EEIG2: variants seen among roughly 807,000 people sequenced by gnomAD.
The protein encoded by EEIG2 is family with sequence similarity 102 member B.
the EEIG2 span, among the ~76,000 whole-genome samples, chr1:108,602,383 A>G: frequency 6.6e-6 from 1 of 152,046 alleles, no homozygotes; most frequent in Non-Finnish European, 1.5e-5. Context: ...AAACTCTCAC[A>G]CCTCTCGCCT....
the EEIG2 span, among the ~76,000 whole-genome samples, chr1:108,630,364 G>C: frequency 2.0e-5 from 3 of 152,110 alleles, no homozygotes; most frequent in Non-Finnish European, 2.9e-5. Context: ...TCATAGGTGG[G>C]AATTGAACAA....
the EEIG2 span, among the ~76,000 whole-genome samples, chr1:108,578,614 G>A: frequency 1.6e-4 from 24 of 151,530 alleles, no homozygotes; most frequent in Middle Eastern, 6.8e-3. Context: ...ATTGATTTGC[G>A]TATATTGACC....
the EEIG2 span, chr1:108,612,439 A>G: frequency 3.6e-6 from 2 of 551,366 alleles, no homozygotes; most frequent in Non-Finnish European, 6.4e-6. Context: ...ACTTAGGGAA[A>G]AACCCCATCT....
At chr1:108,571,346 G>T in the EEIG2 span, among the ~76,000 whole-genome samples, 1 of 152,144 alleles carries the variant, frequency 6.6e-6, no homozygotes, top group Non-Finnish European at 1.5e-5. Context: ...TAGTGTCCTC[G>T]TGAGATAGCC....
At chr1:108,574,427 A>G in the EEIG2 span, among the ~76,000 whole-genome samples, 1 of 152,214 alleles carries the variant, frequency 6.6e-6, no homozygotes, top group East Asian at 1.9e-4. Context: ...AGTTCTGGAC[A>G]TTGGACACTA....
chr1:108,566,550 A>G, the EEIG2 span, among the ~76,000 whole-genome samples: 1 of 152,204 alleles, frequency 6.6e-6, no homozygotes, highest in Non-Finnish European at 1.5e-5. Context: ...AGGAATTGAA[A>G]TCAGTATGTT....
At chr1:108,597,343 C>T in the EEIG2 span, among the ~76,000 whole-genome samples, 1 of 152,154 alleles carries the variant, frequency 6.6e-6, no homozygotes, top group Non-Finnish European at 1.5e-5. Context: ...TTGGAAGTCT[C>T]AGCATTAAGT....
chr1:108,634,298 G>A, the EEIG2 span, among the ~76,000 whole-genome samples: 2 of 152,214 alleles, frequency 1.3e-5, no homozygotes, highest in Non-Finnish European at 2.9e-5. Context: ...GAATCTGTGA[G>A]AACAGGAGTT....
the EEIG2 span, chr1:108,637,935 T>C: frequency 1.3e-5 from 2 of 152,644 alleles, no homozygotes; most frequent in Non-Finnish European, 2.9e-5. Flanking sequence ...GAAGGCTGCT[T>C]ATACCAACAG....
At chr1:108,589,622 C>T in the EEIG2 span, among the ~76,000 whole-genome samples, 41 of 152,070 alleles carry the variant, frequency 2.7e-4, no homozygotes, top group African/African-American at 9.4e-4. Flanking sequence ...GACGTGTTAG[C>T]CTCCTTTGCC....
At chr1:108,619,795 T>C in the EEIG2 span, among the ~76,000 whole-genome samples, 2 of 152,176 alleles carry the variant, frequency 1.3e-5, no homozygotes, top group Admixed American at 6.5e-5. Context: ...GAGTCTGAGG[T>C]GGGAGGATCC....
At chr1:108,600,701 T>C in the EEIG2 span, 6 of 1,595,140 alleles carry the variant, frequency 3.8e-6, no homozygotes, top group Non-Finnish European at 4.3e-6. Context: ...AAAAATAGCC[T>C]ATTACTTCTT....
At chr1:108,604,719 A>G in the EEIG2 span, among the ~76,000 whole-genome samples, 5 of 152,082 alleles carry the variant, frequency 3.3e-5, no homozygotes, top group Non-Finnish European at 7.4e-5. Context: ...AATGAAGATC[A>G]TTGGTAATCT....
At chr1:108,579,768 T>TGAGAGAGAGAGAGAGAGAGAGAGAGA in the EEIG2 span, among the ~76,000 whole-genome samples, 7 of 14,356 alleles carry the variant, frequency 4.9e-4, no homozygotes, top group Admixed American at 3.4e-3. Flanking sequence ...TGTGTGTGTG[T>TGAGAGAGAGAGAGAGAGAGAGAGAGA]GTGTGAGAGA....
the EEIG2 span, among the ~76,000 whole-genome samples, chr1:108,575,761 A>G: frequency 6.6e-6 from 1 of 152,226 alleles, no homozygotes; most frequent in African/African-American, 2.4e-5. Flanking sequence ...GGAATAAGCA[A>G]AATCTACAGA....
chr1:108,572,981 A>T, the EEIG2 span, among the ~76,000 whole-genome samples: 1 of 152,222 alleles, frequency 6.6e-6, no homozygotes, highest in Non-Finnish European at 1.5e-5. Flanking sequence ...TTATCTGGAT[A>T]TACTATGGTT....
the EEIG2 span, chr1:108,635,206 A>G: frequency 3.8e-6 from 6 of 1,597,466 alleles, no homozygotes; most frequent in Non-Finnish European, 4.3e-6. Context: ...TAGTTGATGT[A>G]TCAAGGCATT....
At chr1:108,573,185 G>A in the EEIG2 span, among the ~76,000 whole-genome samples, 1 of 152,166 alleles carries the variant, frequency 6.6e-6, no homozygotes, top group Non-Finnish European at 1.5e-5. Context: ...CACAGGATTT[G>A]TGAGGCAATG....
At chr1:108,567,517 T>C in the EEIG2 span, among the ~76,000 whole-genome samples, 4 of 152,256 alleles carry the variant, frequency 2.6e-5, no homozygotes, top group Non-Finnish European at 5.9e-5. Flanking sequence ...TTCTACTGCC[T>C]TTCAGGCTTT....
Sources: allele counts gnomAD v4.1 joint callset (sites outside exome capture counted in the v4.1 genomes callset), GRCh38; gene constraint gnomAD v4.1.1; transcripts MANE v1.5; gene names NCBI Gene and HGNC (gene_info 2026-07-23, HGNC 2026-07-21).